Variants in NELL1 observed in about 807,000 individuals in gnomAD.
NELL1 encodes the protein neural EGFL like 1.
In NELL1, 76 loss-of-function variants were observed where a neutral mutation model predicts 107.4. The ratio of observed to expected loss-of-function variants is 0.71; its 90% CI spans 0.59 to 0.86. The LOEUF is 0.86. Ranked by LOEUF, NELL1 falls within the 40% of genes least tolerant of loss-of-function variation. The pLI, the probability that NELL1 is intolerant of heterozygous loss-of-function variation, is 0.00. For synonymous variants in NELL1, 353 were observed against 341.2 expected, an observed-to-expected ratio of 1.03 and a Z score of -0.38; for missense variants, 1,024 against 1,005.5, an observed-to-expected ratio of 1.02 and a Z score of -0.25.
At chr11:21,181,706 C>T (rs1856830149) in intron 13 of NELL1, among the ~76,000 whole-genome samples, 1 of 151,834 alleles carries the variant, frequency 6.6e-6, no homozygotes, top group Non-Finnish European at 1.5e-5. Flanking sequence ...CATTTCTTTT[C>T]TCTCTATTAT....
chr11:21,089,824 G>C (rs960374849), intron 12 of NELL1, among the ~76,000 whole-genome samples: 2 of 152,132 alleles, frequency 1.3e-5, no homozygotes, highest in African/African-American at 4.8e-5. Context: ...AGCCATTTGG[G>C]GATATTTCAA....
intron 15 of NELL1, among the ~76,000 whole-genome samples, chr11:21,406,662 A>G (rs1852244103): frequency 6.6e-6 from 1 of 151,990 alleles, no homozygotes; most frequent in African/African-American, 2.4e-5. Flanking sequence ...AGTTTTTATC[A>G]TTCAGGCTCA....
chr11:21,008,541 A>G (rs992303936), intron 12 of NELL1, among the ~76,000 whole-genome samples: 7 of 152,126 alleles, frequency 4.6e-5, no homozygotes, highest in African/African-American at 1.7e-4. Flanking sequence ...GCTGAAAAAC[A>G]TGTTTATTGA....
intron 13 of NELL1, among the ~76,000 whole-genome samples, chr11:21,196,738 A>G (rs1037347709): frequency 1.3e-5 from 2 of 152,146 alleles, no homozygotes; most frequent in Admixed American, 6.5e-5. Context: ...TGTGAGCTGT[A>G]TTACAGCAGG....
intron 14 of NELL1, among the ~76,000 whole-genome samples, chr11:21,278,050 A>T (rs1159080233): frequency 4.7e-3 from 16 of 3,430 alleles, no homozygotes; most frequent in East Asian, 0.015. Flanking sequence ...AAGTATAATA[A>T]AAAAAAAAGA....
At chr11:21,332,877 T>C (rs1309455681) in intron 14 of NELL1, among the ~76,000 whole-genome samples, 1 of 152,068 alleles carries the variant, frequency 6.6e-6, no homozygotes, top group African/African-American at 2.4e-5. Context: ...GCTTCACTTT[T>C]TATAATTAAT....
intron 15 of NELL1, among the ~76,000 whole-genome samples, chr11:21,399,051 A>AG (rs1449264132): frequency 2.0e-5 from 3 of 151,656 alleles, no homozygotes; most frequent in South Asian, 4.2e-4. Context: ...GAAAGAAAAA[A>AG]AAAATATTAG....
chr11:20,802,501 A>G lies in NELL1; in HGVS notation c.335+18671A>G, dbSNP rs139701749. On this transcript the variant is annotated intron_variant, in intron 3 of 19. Transcript: ENST00000357134. ...TAGGTTTTTCCAAATATAAGATTAT[A>G]TCATCTGTAAACAAGGATAATTTGA... Among the ~76,000 whole-genome samples the G allele has an allele frequency of 3.0e-4, 45 of 151,936 alleles. No homozygotes were observed. In the East Asian group the frequency reaches 8.5e-3, roughly 29 times the overall value.
intron 11 of NELL1, among the ~76,000 whole-genome samples, chr11:20,949,235 T>C (rs1851026083): frequency 1.3e-5 from 2 of 152,196 alleles, no homozygotes; most frequent in African/African-American, 4.8e-5. Context: ...GTTTTCAGCT[T>C]AGGCTTTCTG....
chr11:21,124,517 C>A (rs2133747512), intron 13 of NELL1, among the ~76,000 whole-genome samples: 1 of 151,976 alleles, frequency 6.6e-6, no homozygotes, highest in South Asian at 2.1e-4. Flanking sequence ...ATAGGAATTT[C>A]TTTCTCACAG....
intron 11 of NELL1, among the ~76,000 whole-genome samples, chr11:20,957,779 G>C (rs2134211072): frequency 6.6e-6 from 1 of 152,196 alleles, no homozygotes; most frequent in Admixed American, 6.5e-5. Flanking sequence ...GTGGGTGACT[G>C]AAAGAGAATA....
At chr11:21,264,358 A>C (rs547421892) in intron 14 of NELL1, among the ~76,000 whole-genome samples, 1 of 151,986 alleles carries the variant, frequency 6.6e-6, no homozygotes, top group East Asian at 1.9e-4. Flanking sequence ...ATGGAGATAA[A>C]GTGTCATCCT....
chr11:21,573,664 C>T (rs887631546), intron 19 of NELL1, among the ~76,000 whole-genome samples: 1 of 151,454 alleles, frequency 6.6e-6, no homozygotes, highest in Non-Finnish European at 1.5e-5. Flanking sequence ...ACAAGTGATT[C>T]TTGGCTTAAT....
intron 13 of NELL1, among the ~76,000 whole-genome samples, chr11:21,196,095 C>T (rs1454185066): frequency 6.6e-6 from 1 of 152,108 alleles, no homozygotes; most frequent in Non-Finnish European, 1.5e-5. Flanking sequence ...GCAAGTTGTA[C>T]ACTCTGACCT....
rs530445523 is a variant in NELL1, at chr11:20,835,829, A to G, written c.336-11754A>G. ...AAATGCAAAACTGTAAAAATCCTAA[A>G]AGAAAACATAGGAGAAAATCTACAT... is the stretch of plus-strand genomic sequence containing the variant. On this transcript the variant is annotated intron_variant, in intron 3 of 19. Transcript: ENST00000357134. 2.0e-5 allele frequency among the ~76,000 whole-genome samples: 3 copies of G among 152,304 alleles called. No homozygotes were observed. The South Asian group carries it at 6.2e-4, about 32-fold the overall frequency.
intron 15 of NELL1, among the ~76,000 whole-genome samples, chr11:21,510,776 A>G (rs1403232966): frequency 6.6e-6 from 1 of 152,190 alleles, no homozygotes; most frequent in Non-Finnish European, 1.5e-5. Context: ...ATCTTCTTCT[A>G]TAATATGTGA....
At chr11:20,898,059 C>T (rs1849788595) in intron 5 of NELL1, among the ~76,000 whole-genome samples, 1 of 152,156 alleles carries the variant, frequency 6.6e-6, no homozygotes, top group Non-Finnish European at 1.5e-5. Context: ...ACCCAGCCAT[C>T]CCATTACTGG....
At chr11:21,196,591 CTCTA>C (rs781346822) in intron 13 of NELL1, among the ~76,000 whole-genome samples, 12 of 152,174 alleles carry the variant, frequency 7.9e-5, no homozygotes, top group South Asian at 2.1e-4. Context: ...CCCCAGGCCT[CTCTA>C]TCTATTTTAG....
intron 12 of NELL1, among the ~76,000 whole-genome samples, chr11:21,101,347 T>C (rs1398244793): frequency 6.6e-6 from 1 of 152,220 alleles, no homozygotes; most frequent in Non-Finnish European, 1.5e-5. Flanking sequence ...CCTTTGGGTA[T>C]ATACCCAGTA....
Sources: gnomAD v4.1 joint callset for allele counts (sites outside exome capture counted in the v4.1 genomes callset) on GRCh38, gnomAD v4.1.1 for gene constraint, MANE v1.5 for transcripts, NCBI Gene and HGNC (gene_info 2026-07-23, HGNC 2026-07-21) for gene names.